SBF2: variants seen among roughly 807,000 people sequenced by gnomAD.
SBF2 encodes SET binding factor 2, also known as myotubularin-related protein 13.
In SBF2, 112 loss-of-function variants were observed where a neutral mutation model predicts 225.2. The ratio of observed to expected loss-of-function variants is 0.50; its 90% CI spans 0.43 to 0.58. The LOEUF (loss-of-function observed/expected upper bound fraction) is 0.58, where lower values mean the gene tolerates loss of function less well. Among genes scored for constraint, SBF2 ranks in the 20% least tolerant of loss-of-function variants. The pLI is 0.00. For missense variants in SBF2, 1,996 were observed against 2,206.2 expected (o/e 0.90, Z 1.91); for synonymous variants, 763 against 773.3 (o/e 0.99, Z 0.22).
intron 1 of SBF2, among the ~76,000 whole-genome samples, chr11:10,200,299 G>A (rs1957525390): frequency 6.6e-6 from 1 of 152,126 alleles, no homozygotes. Flanking sequence ...AAGTTAATGT[G>A]CATGTAAAAT....
Position 9,978,871 on chromosome 11 carries a change from C to T in SBF2, c.1396-10326G>A, listed in dbSNP as rs554238544. Among the ~76,000 whole-genome samples the T allele has an allele frequency of 2.1e-4, 32 of 152,194 alleles. No homozygotes were observed. The South Asian group carries it at 5.6e-3, about 27-fold the overall frequency. Reference sequence around the variant, plus strand: ...AAAAGTAGCTGGGTGTGGTGGCATACGCCTGTAGTCCCAGCTACTCAGGAG... The same window carrying T: ...AAAAGTAGCTGGGTGTGGTGGCATATGCCTGTAGTCCCAGCTACTCAGGAG... On this transcript the variant is annotated intron_variant, in intron 13 of 39. Transcript: ENST00000256190.
chr11:10,159,746 C>T (rs571634307), intron 2 of SBF2, among the ~76,000 whole-genome samples: 22 of 152,208 alleles, frequency 1.4e-4, no homozygotes, highest in Admixed American at 9.8e-4. Flanking sequence ...AAAAATTAGC[C>T]GGGCGCAGTG....
intron 2 of SBF2, among the ~76,000 whole-genome samples, chr11:10,049,129 G>A (rs1020675095): frequency 6.6e-6 from 1 of 152,154 alleles, no homozygotes; most frequent in Non-Finnish European, 1.5e-5. Context: ...AAGCAGGTAT[G>A]AGAATCCAGC....
rs200045139 is a variant in SBF2, at chr11:9,842,779, C to T, written c.3111-9G>A. The T allele has an allele frequency of 3.8e-5, 62 of 1,613,812 alleles. No homozygotes were observed. In the East Asian group the frequency reaches 1.2e-3, roughly 30 times the overall value. On this transcript the variant is annotated splice_polypyrimidine_tract_variant and intron_variant, in intron 24 of 39. Transcript: ENST00000256190. ...TTGTTTTTGAGAAGGTACTACAAGT[C>T]ATAAAACCAAAGAGAATGTCAACTT...
At chr11:9,909,672 A>AG (rs1862433549) in intron 16 of SBF2, among the ~76,000 whole-genome samples, 1 of 66,798 alleles carries the variant, frequency 1.5e-5, no homozygotes, top group African/African-American at 1.1e-4. Flanking sequence ...TCTGTCTCAA[A>AG]AAAAAAAAAA....
intron 2 of SBF2, among the ~76,000 whole-genome samples, chr11:10,071,886 G>A (rs188114295): frequency 1.5e-3 from 225 of 152,260 alleles, no homozygotes; most frequent in Middle Eastern, 0.014. Context: ...TGTGCTGCTG[G>A]ATTTGGTTTG....
At chr11:10,218,063 T>C (rs1267871489) in intron 1 of SBF2, among the ~76,000 whole-genome samples, 2 of 152,046 alleles carry the variant, frequency 1.3e-5, no homozygotes, top group Middle Eastern at 3.4e-3. Context: ...CTGCACCCAG[T>C]TGATTTTTGT....
At chr11:10,028,994 A>G (rs976827987) in intron 5 of SBF2, among the ~76,000 whole-genome samples, 2 of 152,172 alleles carry the variant, frequency 1.3e-5, no homozygotes, top group African/African-American at 4.8e-5. Flanking sequence ...AAGACAAAAG[A>G]CAATGAGAAA....
At chr11:10,036,018 C>T (rs556240591) in intron 3 of SBF2, among the ~76,000 whole-genome samples, 20 of 152,226 alleles carry the variant, frequency 1.3e-4, no homozygotes, top group African/African-American at 4.1e-4. Flanking sequence ...ACCCATATGT[C>T]CACCAATAAT....
rs774114317 is a variant in SBF2 at position 10,113,379 on chromosome 11, GAATA to G, written c.142-70402_142-70399del. Among the ~76,000 whole-genome samples the G allele has an allele frequency of 4.6e-5, 7 of 152,190 alleles. No homozygotes were observed. The East Asian group carries it at 1.2e-3, about 25-fold the overall frequency. On this transcript the variant is annotated intron_variant, in intron 2 of 39. Transcript: ENST00000256190. Reference sequence around the variant, plus strand: ...TATTTAAACCTGAAATATCTGCAGAGAATAAATAATAAAATATAAAAATATAAAC... The same window carrying G: ...TATTTAAACCTGAAATATCTGCAGAGAATAATAAAATATAAAAATATAAAC...
intron 2 of SBF2, among the ~76,000 whole-genome samples, chr11:10,100,085 T>C (rs146780317): frequency 2.7e-4 from 41 of 152,304 alleles, no homozygotes; most frequent in African/African-American, 9.6e-4. Flanking sequence ...AAGACCCAAC[T>C]ATATGCTGCC....
chr11:10,182,978 G>A (rs1264841227), intron 2 of SBF2, among the ~76,000 whole-genome samples: 1 of 151,892 alleles, frequency 6.6e-6, no homozygotes, highest in East Asian at 1.9e-4. Flanking sequence ...TCACCATGTT[G>A]GCCAGGATGG....
chr11:10,259,241 C>T (rs1961195538), intron 1 of SBF2, among the ~76,000 whole-genome samples: 1 of 152,166 alleles, frequency 6.6e-6, no homozygotes, highest in South Asian at 2.1e-4. Context: ...ATTAAGCCCA[C>T]ATCTTTTATT....
intron 1 of SBF2, among the ~76,000 whole-genome samples, chr11:10,274,369 T>A (rs1962785273): frequency 6.6e-6 from 1 of 152,166 alleles, no homozygotes; most frequent in African/African-American, 2.4e-5. Flanking sequence ...AGTCAGCAGG[T>A]TTCTGTAGTG....
At chr11:10,137,489 G>A (rs930149286) in intron 2 of SBF2, among the ~76,000 whole-genome samples, 8 of 152,152 alleles carry the variant, frequency 5.3e-5, no homozygotes, top group South Asian at 4.1e-4. Flanking sequence ...TAGGGGGAAA[G>A]CATTCAATTT....
rs1439164506 is a variant in SBF2, at chr11:9,958,534, A to ATTT, written c.1860+3420_1860+3422dup. On this transcript the variant is annotated intron_variant, in intron 16 of 39. Transcript: ENST00000256190. ...CCACCTCGCCCGGCTAATTTTTTGT[A>ATTT]TTTTTAGTAGAGACGGGGTTTCACC... 1.3e-4 allele frequency: 21 copies of ATTT among 159,764 alleles called. No individual in the cohort carries two copies. In the South Asian group the frequency reaches 3.8e-3, roughly 29 times the overall value. The allele number at this position is 159,764 out of a possible 1,614,324, so 9.9% of individuals were successfully genotyped here. A position where few individuals can be genotyped will look rare whatever the true frequency, so the allele number is the denominator to read the frequency against.
At chr11:10,231,002 T>C (rs771096828) in intron 1 of SBF2, among the ~76,000 whole-genome samples, 15 of 152,220 alleles carry the variant, frequency 9.9e-5, no homozygotes, top group Non-Finnish European at 1.8e-4. Context: ...GGAGGCTTTG[T>C]TCATTTCTTT....
At chr11:9,869,981 A>C (rs1858585370) in intron 17 of SBF2, among the ~76,000 whole-genome samples, 1 of 152,228 alleles carries the variant, frequency 6.6e-6, no homozygotes, top group African/African-American at 2.4e-5. Context: ...AAGCTTCTTA[A>C]GCTGATAAGC....
At chr11:10,037,636 T>TA (rs200090705) in intron 3 of SBF2, among the ~76,000 whole-genome samples, 9,411 of 147,822 alleles carry the variant, frequency 0.064, 335 homozygotes, top group Middle Eastern at 0.15. Context: ...CAACTTTTGT[T>TA]AAAAAAAAAA....
Sources: gnomAD v4.1 joint callset for allele counts (sites outside exome capture counted in the v4.1 genomes callset) on GRCh38, gnomAD v4.1.1 for gene constraint, MANE v1.5 for transcripts, NCBI Gene and HGNC (gene_info 2026-07-23, HGNC 2026-07-21) for gene names.